KCNK9: variants seen among roughly 807,000 people sequenced by gnomAD.
KCNK9 encodes potassium two pore domain channel subfamily K member 9, also known as potassium channel subfamily K member 9.
Under a neutral mutation model 10.8 loss-of-function variants are expected in KCNK9, and 1 was observed. The ratio of observed to expected loss-of-function variants is 0.09; its 90% CI spans 0.03 to 0.44. The LOEUF is 0.44. Ranked by LOEUF, KCNK9 falls within the 20% of genes least tolerant of loss-of-function variation. KCNK9 has a pLI of 0.97. For synonymous variants in KCNK9, 231 were observed against 222.7 expected (o/e 1.04, Z -0.33); for missense variants, 303 against 515.0 (o/e 0.59, Z 3.98).
rs150014292 is a variant in KCNK9, at chr8:139,696,774, G to T, written c.283+5936C>A. ...GGATGGATGGATGGATGGATGGATG[G>T]ATGGATGAGTGGGTAAATGGATATA... On this transcript the variant is annotated intron_variant, in intron 1 of 1. Coordinates refer to ENST00000520439, the MANE Select transcript of KCNK9 (RefSeq NM_001282534.2). Among the ~76,000 whole-genome samples the T allele has an allele frequency of 7.7e-3, 1,166 of 151,618 alleles. 7 individuals are homozygous for T. The highest frequency in any genetic ancestry group is 0.013 in the Non-Finnish European group (880 of 67,860).
intron 1 of KCNK9, among the ~76,000 whole-genome samples, chr8:139,664,745 C>T (rs1326848466): frequency 6.6e-6 from 1 of 152,194 alleles, no homozygotes; most frequent in Non-Finnish European, 1.5e-5. Context: ...CATGGCCCTC[C>T]AGGGTCTTGC....
rs181762812 is a variant in KCNK9, at chr8:139,622,925, T to C, written c.284-3826A>G. On this transcript the variant is annotated intron_variant, in intron 1 of 1. Coordinates refer to ENST00000520439, the MANE Select transcript of KCNK9 (RefSeq NM_001282534.2). ...TAGAATAACGGCACATGTGACATAG[T>C]AGCACACTATATACAGATAGATTAG... Among the ~76,000 whole-genome samples, 99 of 152,298 alleles carry C rather than the reference T, an allele frequency of 6.5e-4. 1 individual carries two copies. The highest frequency in any genetic ancestry group is 2.4e-3 in the African/African-American group (99 of 41,552).
downstream of KCNK9, chr8:139,616,462 G>A (rs1289451823): frequency 6.6e-6 from 1 of 152,198 alleles, no homozygotes; most frequent in African/African-American, 2.4e-5. Context: ...CTGTGTCCTG[G>A]ACGAAGGGGA....
chr8:139,660,198 TG>T (rs1816115963), intron 1 of KCNK9, among the ~76,000 whole-genome samples: 1 of 152,158 alleles, frequency 6.6e-6, no homozygotes, highest in Non-Finnish European at 1.5e-5. Context: ...TTATATTAAA[TG>T]GTAGAGCCCC....
chr8:139,627,936 G>T (rs980851900), intron 1 of KCNK9, among the ~76,000 whole-genome samples: 1 of 152,216 alleles, frequency 6.6e-6, no homozygotes, highest in African/African-American at 2.4e-5. Context: ...CAGGACGGTG[G>T]GCCAGGGTGA....
intron 1 of KCNK9, among the ~76,000 whole-genome samples, chr8:139,621,079 T>C (rs2130111456): frequency 6.6e-6 from 1 of 152,180 alleles, no homozygotes; most frequent in South Asian, 2.1e-4. Flanking sequence ...GGCCAGGAGT[T>C]TGAGACCAGC....
chr8:139,603,902 G>T (rs148775338), intron 2 of KCNK9, among the ~76,000 whole-genome samples: 65 of 152,366 alleles, frequency 4.3e-4, no homozygotes, highest in African/African-American at 1.5e-3. Context: ...CAGCCCTGCT[G>T]TGGATCCCCA....
chr8:139,685,345 C>T (rs577335174), intron 1 of KCNK9, among the ~76,000 whole-genome samples: 1 of 152,200 alleles, frequency 6.6e-6, no homozygotes, highest in East Asian at 1.9e-4. Flanking sequence ...AGGTTTGTTA[C>T]ATAGGTATAC....
At chr8:139,611,323 A>G (rs1269285105), downstream of KCNK9, 1 of 152,288 alleles carries the variant, frequency 6.6e-6, no homozygotes, top group Non-Finnish European at 1.5e-5. Flanking sequence ...CAGAGAGGCA[A>G]AACCACCACC....
chr8:139,612,846 G>T (rs1163947421), downstream of KCNK9, among the ~76,000 whole-genome samples: 1 of 152,110 alleles, frequency 6.6e-6, no homozygotes, highest in African/African-American at 2.4e-5. Flanking sequence ...AAGCAGAGGA[G>T]ATCACAGGGC....
chr8:139,602,497 C>A (rs1477925809), intron 2 of KCNK9, among the ~76,000 whole-genome samples: 2 of 152,186 alleles, frequency 1.3e-5, no homozygotes, highest in African/African-American at 4.8e-5. Context: ...CTTATAGGAC[C>A]AGCAAGCTAT....
rs1817262964 is a variant in KCNK9, at chr8:139,702,878, C to G, written c.115G>C (p.Glu39Gln). The part of the protein sequence containing the change: ...LESDHEMREE[E>Q]KLKAEEIRIK... ...CGGATCTCCTCGGCTTTGAGTTTCT[C>G]CTCCTCGCGCATCTCGTGGTCCGAC... The change falls in exon 1 of 2, where the codon GAG becomes CAG. Residue 39 changes from glutamate (E) to glutamine (Q), a missense_variant. This residue lies in a region of KCNK9 where 58 missense variants were observed against 102.4 expected (regional missense o/e 0.57). Transcript: ENST00000520439. The surrounding 1 kb of genome is among the most constrained non-coding windows in gnomAD (Gnocchi z 7.5). 6.2e-7 allele frequency: 1 copy of G among 1,613,860 alleles called. No homozygotes were observed. The highest frequency in any genetic ancestry group is 8.5e-7 in the Non-Finnish European group (1 of 1,179,972).
chr8:139,696,787 G>A (rs920651254), intron 1 of KCNK9, among the ~76,000 whole-genome samples: 3 of 148,132 alleles, frequency 2.0e-5, no homozygotes, highest in African/African-American at 7.7e-5. Context: ...GGATGAGTGG[G>A]TAAATGGATA....
chr8:139,688,641 C>T (rs993387764), intron 1 of KCNK9, among the ~76,000 whole-genome samples: 15 of 152,172 alleles, frequency 9.9e-5, no homozygotes, highest in Admixed American at 3.3e-4. Flanking sequence ...TATCAATGAC[C>T]GATCCTGGGT....
chr8:139,629,306 C>T (rs1316529544), intron 1 of KCNK9, among the ~76,000 whole-genome samples: 3 of 152,214 alleles, frequency 2.0e-5, no homozygotes, highest in Non-Finnish European at 4.4e-5. Context: ...ACAGCGTGCC[C>T]CAAGATGTTC....
intron 1 of KCNK9, among the ~76,000 whole-genome samples, chr8:139,652,750 G>A (rs1053549951): frequency 6.6e-6 from 1 of 152,168 alleles, no homozygotes; most frequent in Non-Finnish European, 1.5e-5. Context: ...ACAGAGCACT[G>A]TGCAGCCAAA....
In KCNK9 at chr8:139,703,120, A is replaced by C; in HGVS notation, c.-128T>G. On this transcript the variant is annotated 5_prime_UTR_variant, in exon 1 of 2. Coordinates refer to ENST00000520439, the MANE Select transcript of KCNK9 (RefSeq NM_001282534.2). This position sits in a 1 kb window ranked among gnomAD's most constrained non-coding sequence, Gnocchi z 6.4. The stretch of plus-strand genomic sequence containing the variant: ...GCCGCCGCCGCCGCCTCCAAGTTGT[A>C]AGCGGCGGCGGCAGCAGCAGCAGCA... The C allele has an allele frequency of 1.5e-6, 1 of 650,672 alleles. No individual in the cohort carries two copies. Among genetic ancestry groups the C allele is most frequent in the Non-Finnish European group, 2.1e-6 (1 of 472,528 alleles). The allele number at this position is 650,672 out of a possible 1,614,324, so 40.3% of individuals were successfully genotyped here. A position where few individuals can be genotyped will look rare whatever the true frequency, so the allele number is the denominator to read the frequency against.
downstream of KCNK9, among the ~76,000 whole-genome samples, chr8:139,608,048 G>T (rs1215307208): frequency 6.6e-6 from 1 of 152,164 alleles, no homozygotes; most frequent in Non-Finnish European, 1.5e-5. Context: ...CTCAGACTTT[G>T]AGACAAAGAC....
chr8:139,628,036 G>C (rs1815032879), intron 1 of KCNK9, among the ~76,000 whole-genome samples: 1 of 152,234 alleles, frequency 6.6e-6, no homozygotes, highest in Admixed American at 6.5e-5. Flanking sequence ...TGAAAACATG[G>C]CACAGGCCAA....
Sources: allele counts gnomAD v4.1 joint callset (sites outside exome capture counted in the v4.1 genomes callset), GRCh38; gene constraint gnomAD v4.1.1; regional missense constraint gnomAD v4.1.1; non-coding constraint Gnocchi (gnomAD v3.1); transcripts MANE v1.5; gene names NCBI Gene and HGNC (gene_info 2026-07-23, HGNC 2026-07-21).